Variants in SH3D19 observed in about 807,000 individuals in gnomAD.
SH3D19 encodes SH3 domain containing 19.
A neutral mutation model predicts 112.1 loss-of-function variants in SH3D19; 58 were observed. That is an observed-to-expected ratio of 0.52 (90% CI 0.42 to 0.64). The LOEUF (loss-of-function observed/expected upper bound fraction) is 0.64. Ranked by LOEUF, SH3D19 falls within the 30% of genes least tolerant of loss-of-function variation. The probability of loss-of-function intolerance (pLI) is 0.00; values close to 1 mark genes in which losing one functional copy is unlikely to be tolerated. For synonymous variants in SH3D19, 391 were observed against 448.5 expected (o/e 0.87, Z 1.62); for missense variants, 1,090 against 1,263.4 (o/e 0.86, Z 2.08).
intron 7 of SH3D19, among the ~76,000 whole-genome samples, chr4:151,173,229 T>C (rs1759376195): frequency 6.6e-6 from 1 of 152,264 alleles, no homozygotes; most frequent in Admixed American, 6.5e-5. Context: ...TATCTATCCC[T>C]GTCCTTCTCT....
intron 8 of SH3D19, among the ~76,000 whole-genome samples, chr4:151,162,532 C>A (rs555567833): frequency 6.6e-6 from 1 of 151,196 alleles, no homozygotes; most frequent in South Asian, 2.1e-4. Context: ...TACAAGTGTG[C>A]AGAAAAAGTA....
At chr4:151,125,680 C>T (rs1341915947) in intron 19 of SH3D19, among the ~76,000 whole-genome samples, 1 of 150,988 alleles carries the variant, frequency 6.6e-6, no homozygotes, top group African/African-American at 2.4e-5. Flanking sequence ...GGTGAAACCC[C>T]GTCTCTGCTA....
chr4:151,176,444 C>A, intron 6 of SH3D19, 90 bp downstream of exon 6: 1 of 1,097,056 alleles, frequency 9.1e-7, no homozygotes. Flanking sequence ...GAATTATGCA[C>A]AAATTGCAAA....
chr4:151,154,134 T>C (rs1378540311), intron 9 of SH3D19, among the ~76,000 whole-genome samples: 1 of 134,508 alleles, frequency 7.4e-6, no homozygotes, highest in East Asian at 2.0e-4. Flanking sequence ...GCTGATTTTT[T>C]TTTTTTTTTT....
intron 3 of SH3D19, among the ~76,000 whole-genome samples, chr4:151,185,443 T>C (rs1293989406): frequency 6.6e-6 from 1 of 152,210 alleles, no homozygotes; most frequent in African/African-American, 2.4e-5. Flanking sequence ...GTGATTACTC[T>C]AAGTTATATC....
intron 14 of SH3D19, among the ~76,000 whole-genome samples, chr4:151,137,114 GC>G (rs1351456284): frequency 3.9e-5 from 6 of 152,178 alleles, no homozygotes. Flanking sequence ...CTTACACACA[GC>G]TCTCACACAT....
At chr4:151,312,991 A>G (rs1429753421) in intron 1 of SH3D19, among the ~76,000 whole-genome samples, 1 of 150,538 alleles carries the variant, frequency 6.6e-6, no homozygotes, top group Non-Finnish European at 1.5e-5. Flanking sequence ...TGGGAGGCTG[A>G]GGTATGGGAA....
At chr4:151,195,286 GGTGTGAACCCAGCAGGCGGAGCGTGCA>G (rs1242737771) in intron 2 of SH3D19, among the ~76,000 whole-genome samples, 1 of 139,670 alleles carries the variant, frequency 7.2e-6, no homozygotes, top group Non-Finnish European at 1.5e-5. Context: ...GCAGGAGAAT[GGTGTGAACCCAGCAGGCGGAGCGTGCA>G]GTGAGCCCAG....
intron 1 of SH3D19, among the ~76,000 whole-genome samples, chr4:151,236,577 G>C (rs1163218949): frequency 2.6e-5 from 4 of 152,080 alleles, no homozygotes; most frequent in Non-Finnish European, 5.9e-5. Flanking sequence ...TCTAGCTAAA[G>C]GGTTGTAAAT....
intron 12 of SH3D19, among the ~76,000 whole-genome samples, chr4:151,141,489 T>C (rs1752978630): frequency 1.3e-5 from 2 of 151,914 alleles, no homozygotes; most frequent in African/African-American, 4.8e-5. Flanking sequence ...TACAAAAAAA[T>C]AAAAAATTAG....
chr4:151,142,790 A>C (rs778370866), intron 12 of SH3D19, among the ~76,000 whole-genome samples: 2 of 152,220 alleles, frequency 1.3e-5, no homozygotes, highest in Non-Finnish European at 2.9e-5. Context: ...TATTTAAAAA[A>C]AAAATGTAAC....
chr4:151,174,567 A>G (rs2149825015), intron 7 of SH3D19, 103 bp downstream of exon 7: 1 of 1,075,636 alleles, frequency 9.3e-7, no homozygotes, highest in Middle Eastern at 3.0e-4. Context: ...ACTTGTATAC[A>G]CACACCTCAA....
chr4:151,207,356 G>A (rs1242427243), intron 2 of SH3D19, among the ~76,000 whole-genome samples: 1 of 152,198 alleles, frequency 6.6e-6, no homozygotes, highest in Non-Finnish European at 1.5e-5. Context: ...AGTTTATCAT[G>A]CTTTTACCAT....
At chr4:151,279,836 C>T (rs1195225737) in intron 1 of SH3D19, 1 of 1,613,146 alleles carries the variant, frequency 6.2e-7, no homozygotes, top group Admixed American at 1.7e-5. Context: ...TTGTAGGTGG[C>T]CAGGATGCTG....
At chr4:151,312,726 C>T (rs577176044) in intron 1 of SH3D19, among the ~76,000 whole-genome samples, 1 of 152,016 alleles carries the variant, frequency 6.6e-6, no homozygotes, top group South Asian at 2.1e-4. Flanking sequence ...TGGAAGAACC[C>T]CGTCTCTACT....
At chr4:151,154,697 C>T (rs1755750261) in intron 9 of SH3D19, among the ~76,000 whole-genome samples, 1 of 152,194 alleles carries the variant, frequency 6.6e-6, no homozygotes, top group Non-Finnish European at 1.5e-5. Context: ...GTGCCTCAGC[C>T]TCCTGAGCAG....
At chr4:151,274,753 G>A (rs1773461047) in intron 1 of SH3D19, among the ~76,000 whole-genome samples, 2 of 152,170 alleles carry the variant, frequency 1.3e-5, no homozygotes, top group African/African-American at 2.4e-5. Flanking sequence ...TAGGGCTGCT[G>A]TAACAAAGTA....
At position 151,175,262 on chromosome 4, in the gene SH3D19, T is replaced by C; in HGVS notation, c.942A>G (p.Lys314=). 1 of 1,614,110 alleles carries C rather than the reference T, an allele frequency of 6.2e-7. No homozygotes were observed. The highest frequency in any genetic ancestry group is 1.1e-5 in the South Asian group (1 of 91,062). ...GAAGTGAACGTGGAGTAATTTCTGG[T>C]TTCTTGGGCAGTCCTGAGGTTTCTA... The part of the protein sequence containing the change: ...TNIETSGLPK[K]PEITPRSLPP... The change falls in exon 7 of 20, where the codon AAA becomes AAG. Residue 314 remains lysine (K), a synonymous_variant. Transcript: ENST00000604030.
chr4:151,237,591 C>T (rs1770225528), intron 1 of SH3D19, among the ~76,000 whole-genome samples: 2 of 152,120 alleles, frequency 1.3e-5, no homozygotes, highest in South Asian at 2.1e-4. Flanking sequence ...CGTCTCTAAG[C>T]TTCAGTGTCC....
Sources: allele counts gnomAD v4.1 joint callset (sites outside exome capture counted in the v4.1 genomes callset), GRCh38; gene constraint gnomAD v4.1.1; transcripts MANE v1.5; gene names NCBI Gene and HGNC (gene_info 2026-07-23, HGNC 2026-07-21).